The following EXOC4 variants were observed in gnomAD, a reference collection of about 807,000 sequenced individuals.
EXOC4 encodes the protein SEC8-like 1.
EXOC4 carries 71 observed loss-of-function variants against 107.2 expected under a neutral mutation model. The observed-to-expected ratio is 0.66, with a 90% CI of 0.55 to 0.81. EXOC4 has a LOEUF of 0.81. EXOC4 is among the 30% of genes least tolerant of loss of function. The pLI, the probability that EXOC4 is intolerant of heterozygous loss-of-function variation, is 0.00. For synonymous variants in EXOC4, 456 were observed against 441.2 expected (o/e 1.03, Z -0.42); for missense variants, 1,108 against 1,189.6 (o/e 0.93, Z 1.01).
intron 9 of EXOC4, among the ~76,000 whole-genome samples, chr7:133,509,566 C>T (rs909065105): frequency 1.3e-5 from 2 of 151,330 alleles, no homozygotes; most frequent in African/African-American, 2.4e-5. Flanking sequence ...CTTAGTGGGC[C>T]ATCCCGGACT....
chr7:133,408,880 A>G (rs928526589), intron 7 of EXOC4, among the ~76,000 whole-genome samples: 1 of 152,228 alleles, frequency 6.6e-6, no homozygotes, highest in African/African-American at 2.4e-5. Flanking sequence ...ACTGCTATCA[A>G]TGATTCTATT....
In EXOC4 at chr7:133,617,326, C is replaced by T. The variant is rs76721315; in HGVS notation, c.1418-12719C>T. Among the ~76,000 whole-genome samples the T allele has an allele frequency of 4.8e-3, 733 of 152,194 alleles. 3 individuals carry two copies. The highest frequency in any genetic ancestry group is 0.017 in the Middle Eastern group (5 of 292). On this transcript the variant is annotated intron_variant, in intron 9 of 17. Coordinates refer to ENST00000253861, the MANE Select transcript of EXOC4 (RefSeq NM_021807.4). The stretch of plus-strand genomic sequence containing the variant: ...GTGGTGAGGTGAAGTTATTTGTAGA[C>T]TGTTCCATAAAGAGAGGGTTGCGTG...
intron 10 of EXOC4, among the ~76,000 whole-genome samples, chr7:133,650,249 C>T (rs1229889448): frequency 6.6e-6 from 1 of 151,894 alleles, no homozygotes; most frequent in Non-Finnish European, 1.5e-5. Flanking sequence ...TACAGCTAGT[C>T]TAAATACTTT....
At chr7:133,704,290 T>C (rs77542920) in intron 10 of EXOC4, among the ~76,000 whole-genome samples, 265 of 152,252 alleles carry the variant, frequency 1.7e-3, no homozygotes, top group African/African-American at 6.3e-3. Flanking sequence ...GTTTTTGTAT[T>C]TTTCGTTAAC....
chr7:133,645,636 C>T (rs1802971555), intron 10 of EXOC4, among the ~76,000 whole-genome samples: 1 of 151,840 alleles, frequency 6.6e-6, no homozygotes, highest in African/African-American at 2.4e-5. Flanking sequence ...AAATTAAGGT[C>T]ATATAGTTCT....
chr7:133,824,799 G>A (rs542538674), intron 11 of EXOC4, among the ~76,000 whole-genome samples: 128 of 152,188 alleles, frequency 8.4e-4, no homozygotes, highest in South Asian at 2.5e-3. Flanking sequence ...TCTCCCGTGT[G>A]TCTCCTATGT....
At chr7:134,081,228 A>G in the EXOC4 span, among the ~76,000 whole-genome samples, 3 of 152,154 alleles carry the variant, frequency 2.0e-5, no homozygotes, top group Non-Finnish European at 4.4e-5. Context: ...CTGTAATCCC[A>G]GCTACTCAGG....
intron 12 of EXOC4, among the ~76,000 whole-genome samples, chr7:133,903,836 A>T (rs766711222): frequency 1.3e-5 from 2 of 152,258 alleles, no homozygotes; most frequent in Non-Finnish European, 2.9e-5. Context: ...AGTTTGCAAG[A>T]TGACGAGAAA....
intron 3 of EXOC4, among the ~76,000 whole-genome samples, chr7:133,291,632 C>T (rs1738548629): frequency 6.6e-6 from 1 of 152,038 alleles, no homozygotes; most frequent in Non-Finnish European, 1.5e-5. Context: ...ATCTGCCTGC[C>T]TTGGCCTCCC....
intron 9 of EXOC4, among the ~76,000 whole-genome samples, chr7:133,598,667 A>T (rs568723203): frequency 1.3e-5 from 2 of 152,254 alleles, no homozygotes; most frequent in South Asian, 4.1e-4. Flanking sequence ...TTAACATCTG[A>T]ATTGGGTTGT....
At chr7:133,402,648 G>T (rs540575971) in intron 7 of EXOC4, among the ~76,000 whole-genome samples, 2 of 151,916 alleles carry the variant, frequency 1.3e-5, no homozygotes, top group African/African-American at 4.8e-5. Flanking sequence ...ATAGGCATGC[G>T]CTACCACACC....
chr7:133,767,279 C>T, intron 10 of EXOC4, among the ~76,000 whole-genome samples: 1 of 152,042 alleles, frequency 6.6e-6, no homozygotes, highest in East Asian at 1.9e-4. Context: ...AAACATGCCT[C>T]TTCAGGTAAG....
chr7:133,988,622 A>G (rs1794175069), intron 14 of EXOC4, among the ~76,000 whole-genome samples: 1 of 152,194 alleles, frequency 6.6e-6, no homozygotes, highest in African/African-American at 2.4e-5. Context: ...CAGAAGAGCC[A>G]TTGACCCTTC....
Position 133,544,227 on chromosome 7 carries a change from A to AT in EXOC4, c.1417+64098dup, listed in dbSNP as rs149677979. The stretch of plus-strand genomic sequence containing the variant: ...ATTTTACTGAATATTTGTTCTTTGA[A>AT]TTTTTTTTTCAGATCTAAAATAAAG... On this transcript the variant is annotated intron_variant, in intron 9 of 17. Coordinates refer to ENST00000253861, the MANE Select transcript of EXOC4 (RefSeq NM_021807.4). 2.3e-3 allele frequency among the ~76,000 whole-genome samples: 348 copies of AT among 151,500 alleles called. 2 individuals are homozygous for AT. The highest frequency in any genetic ancestry group is 8.1e-3 in the African/African-American group (333 of 41,348).
chr7:133,820,606 G>T (rs1797498119), intron 11 of EXOC4, among the ~76,000 whole-genome samples: 1 of 152,156 alleles, frequency 6.6e-6, no homozygotes, highest in Non-Finnish European at 1.5e-5. Flanking sequence ...AGATGCATGT[G>T]GGTTAAATAT....
chr7:133,546,320 G>A (rs573098837), intron 9 of EXOC4, among the ~76,000 whole-genome samples: 8 of 140,564 alleles, frequency 5.7e-5, no homozygotes, highest in South Asian at 2.3e-4. Context: ...GCAGTGGCAC[G>A]ATCTTGGTCA....
At chr7:133,593,810 A>G (rs1801603830) in intron 9 of EXOC4, among the ~76,000 whole-genome samples, 1 of 152,234 alleles carries the variant, frequency 6.6e-6, no homozygotes, top group African/African-American at 2.4e-5. Context: ...TCTTAAGAAT[A>G]ATATGCAAAA....
chr7:133,612,140 A>G (rs1193388758), intron 9 of EXOC4, among the ~76,000 whole-genome samples: 2 of 152,162 alleles, frequency 1.3e-5, no homozygotes, highest in African/African-American at 4.8e-5. Context: ...TTAGGAGGAA[A>G]AAGCTGACTC....
Position 133,534,515 on chromosome 7 carries a change from A to G in EXOC4, c.1417+54377A>G, listed in dbSNP as rs568736617. ...AAATCACAGCTCTGTGTGTGTCCAA[A>G]TAGCTACTCATCAGCAAAGCTTGTG... On this transcript the variant is annotated intron_variant, in intron 9 of 17. Coordinates refer to ENST00000253861, the MANE Select transcript of EXOC4 (RefSeq NM_021807.4). 3.9e-5 allele frequency among the ~76,000 whole-genome samples: 6 copies of G among 152,292 alleles called. 1 individual carries two copies. Among genetic ancestry groups the G allele is most frequent in the Admixed American group, 2.0e-4 (3 of 15,290 alleles).
Sources: gnomAD v4.1 joint callset for allele counts (sites outside exome capture counted in the v4.1 genomes callset) on GRCh38, gnomAD v4.1.1 for gene constraint, MANE v1.5 for transcripts, NCBI Gene and HGNC (gene_info 2026-07-23, HGNC 2026-07-21) for gene names.